CACNA1D: variants seen among roughly 807,000 people sequenced by gnomAD.
The protein encoded by CACNA1D is voltage-dependent L-type calcium channel subunit alpha-1D.
A neutral mutation model predicts 257.1 loss-of-function variants in CACNA1D; 55 were observed. That is an observed-to-expected ratio of 0.21 (90% CI 0.17 to 0.27). The LOEUF (loss-of-function observed/expected upper bound fraction) is 0.27. Ranked by LOEUF, CACNA1D falls within the 10% of genes least tolerant of loss-of-function variation. The pLI is 1.00. For synonymous variants in CACNA1D, 980 were observed against 1,014.9 expected (o/e 0.97, Z 0.65); for missense variants, 1,876 against 2,784.0 (o/e 0.67, Z 7.34).
rs2094528162 is a variant in CACNA1D at position 53,691,838 on chromosome 3, TTAC to T, written c.1221-10802_1221-10800del. Among the ~76,000 whole-genome samples the T allele has an allele frequency of 4.5e-5, 5 of 110,780 alleles. No homozygotes were observed. The South Asian group carries it at 1.2e-3, about 26-fold the overall frequency. 72.7% of individuals were successfully genotyped at this position (110,780 alleles called of 152,430 possible). A position where few individuals can be genotyped will look rare whatever the true frequency, so the allele number is the denominator to read the frequency against. Reference sequence around the variant, plus strand: ...TTATATATTATATCTATAATATATATTACATATATAATATATAATATATATTAT... The same window carrying T: ...TTATATATTATATCTATAATATATATATATATAATATATAATATATATTAT... On this transcript the variant is annotated intron_variant, in intron 8 of 47. Transcript: ENST00000350061.
intron 3 of CACNA1D, among the ~76,000 whole-genome samples, chr3:53,632,757 GAGAGATGGAGA>G (rs60915915): frequency 0.02 from 2,997 of 152,306 alleles, 100 homozygotes; most frequent in African/African-American, 0.068. Flanking sequence ...GACAGAGAGA[GAGAGATGGAGA>G]ACAGCTGGTT....
Position 53,745,654 on chromosome 3 carries a change from C to T in CACNA1D, c.3037C>T (p.Arg1013Trp), listed in dbSNP as rs745769622. ...GGTCCAGTGCGTCTTCGTGGCCATCCGGACCATCGGCAACATCATGATCGT... is the reference window on the plus strand; with the variant it reads ...GGTCCAGTGCGTCTTCGTGGCCATCTGGACCATCGGCAACATCATGATCGT... ...HVVQCVFVAI[R>W]TIGNIMIVTT... is the part of the protein sequence containing the mutation. Residue 1013 changes from arginine (R) to tryptophan (W), a missense_variant, in exon 24 of 48, where the codon CGG (arginine) becomes TGG (tryptophan). Arg to Trp is a moderately radical substitution (Grantham distance 101, BLOSUM62 -3). Coordinates refer to ENST00000350061, the MANE Select transcript of CACNA1D (RefSeq NM_001128840.3). 2.5e-6 allele frequency: 4 copies of T among 1,613,880 alleles called. No individual in the cohort carries two copies. Among genetic ancestry groups the T allele is most frequent in the East Asian group, 2.2e-5 (1 of 44,878 alleles).
At chr3:53,807,368 C>G (rs1423205317) in intron 45 of CACNA1D, 1 of 152,350 alleles carries the variant, frequency 6.6e-6, no homozygotes, top group Non-Finnish European at 1.5e-5. Context: ...ACAGTGCGCA[C>G]TGGGCACGAG....
chr3:53,668,620 C>T (rs750132782), intron 7 of CACNA1D, among the ~76,000 whole-genome samples: 3 of 152,110 alleles, frequency 2.0e-5, no homozygotes, highest in Non-Finnish European at 4.4e-5. Flanking sequence ...ATGGAACATT[C>T]CCCGAGTTCT....
intron 40 of CACNA1D, among the ~76,000 whole-genome samples, chr3:53,799,371 A>G (rs3796348): frequency 0.5 from 75,499 of 152,122 alleles, 20,666 homozygotes; most frequent in African/African-American, 0.74. Context: ...TAATGAAGTC[A>G]TGAACAATGG....
Position 53,729,423 on chromosome 3 carries a change from G to A in CACNA1D, c.2222-1019G>A, listed in dbSNP as rs942029613. 3.3e-5 allele frequency among the ~76,000 whole-genome samples: 5 copies of A among 152,114 alleles called. No homozygotes were observed. In the South Asian group the frequency reaches 6.2e-4, roughly 19 times the overall value. On this transcript the variant is annotated intron_variant, in intron 15 of 47. Coordinates refer to ENST00000350061, the MANE Select transcript of CACNA1D (RefSeq NM_001128840.3). ...GACAGTGCTATGCTGCTCCTGTCTC[G>A]GGGTCTCTGGGCTCCTGCAGTTTTG... is the stretch of plus-strand genomic sequence containing the variant.
At chr3:53,576,924 T>C (rs1395743092) in intron 3 of CACNA1D, among the ~76,000 whole-genome samples, 1 of 152,260 alleles carries the variant, frequency 6.6e-6, no homozygotes, top group Non-Finnish European at 1.5e-5. Context: ...CTTTAAATCA[T>C]GTTACCAGTC....
At chr3:53,678,335 A>G (rs1269723366) in intron 8 of CACNA1D, among the ~76,000 whole-genome samples, 1 of 152,222 alleles carries the variant, frequency 6.6e-6, no homozygotes, top group Non-Finnish European at 1.5e-5. Context: ...GACAATAAAT[A>G]TTGTTATTAA....
chr3:53,598,188 A>C (rs1057174111), intron 3 of CACNA1D, among the ~76,000 whole-genome samples: 2 of 152,184 alleles, frequency 1.3e-5, no homozygotes, highest in Admixed American at 6.5e-5. Context: ...ATTATACATT[A>C]ACAAGTCATA....
At position 53,769,965 on chromosome 3, in the gene CACNA1D, T is replaced by C; in HGVS notation, c.3871-8T>C. On this transcript the variant is annotated splice_region_variant and splice_polypyrimidine_tract_variant and intron_variant, in intron 30 of 47. Transcript: ENST00000350061. Reference sequence around the variant, plus strand: ...ATTAATCCATTTTCAATCTTTGATTTCTTAAAGCCAACTGAAAGTGAAAAT... The same window carrying C: ...ATTAATCCATTTTCAATCTTTGATTCCTTAAAGCCAACTGAAAGTGAAAAT... 1 of 1,609,318 alleles carries C rather than the reference T, an allele frequency of 6.2e-7. No homozygotes were observed. The highest frequency in any genetic ancestry group is 1.1e-5 in the South Asian group (1 of 90,990).
At chr3:53,589,256 G>A (rs140661114) in intron 3 of CACNA1D, among the ~76,000 whole-genome samples, 2 of 152,156 alleles carry the variant, frequency 1.3e-5, no homozygotes, top group Admixed American at 6.5e-5. Flanking sequence ...GAATAGTTGC[G>A]CATCCTTCTA....
At chr3:53,607,723 C>T (rs1024156242) in intron 3 of CACNA1D, among the ~76,000 whole-genome samples, 8 of 152,224 alleles carry the variant, frequency 5.3e-5, no homozygotes, top group African/African-American at 1.7e-4. Context: ...TATAAGGTAT[C>T]TGTGAAGTAA....
intron 3 of CACNA1D, among the ~76,000 whole-genome samples, chr3:53,600,271 C>T (rs772227476): frequency 3.3e-5 from 5 of 152,220 alleles, no homozygotes; most frequent in Middle Eastern, 3.2e-3. Context: ...TTTTCAGCTT[C>T]CTCCTCAATT....
intron 3 of CACNA1D, among the ~76,000 whole-genome samples, chr3:53,520,899 C>CTTTCTTTCT (rs2091543003): frequency 1.0e-5 from 1 of 98,118 alleles, no homozygotes; most frequent in Non-Finnish European, 2.1e-5. Context: ...TCTTTCTTTT[C>CTTTCTTTCT]TTTTCTTTTC....
chr3:53,802,270 C>G (rs2095540130), intron 43 of CACNA1D, 97 bp downstream of exon 43: 1 of 1,008,014 alleles, frequency 9.9e-7, no homozygotes, highest in African/African-American at 1.6e-5. Flanking sequence ...CTTCTTTGAG[C>G]CAGCCTATTA....
chr3:53,733,511 T>G (rs1330497807), intron 19 of CACNA1D, among the ~76,000 whole-genome samples: 1 of 152,196 alleles, frequency 6.6e-6, no homozygotes, highest in Non-Finnish European at 1.5e-5. Context: ...GGGTTGTAAG[T>G]ATTCAGTTCA....
At chr3:53,521,052 C>G (rs1229368922) in intron 3 of CACNA1D, among the ~76,000 whole-genome samples, 1 of 135,382 alleles carries the variant, frequency 7.4e-6, no homozygotes, top group African/African-American at 2.8e-5. Context: ...CTATTTCTTT[C>G]TCTTTTCTTC....
intron 8 of CACNA1D, among the ~76,000 whole-genome samples, chr3:53,698,664 A>C: frequency 6.6e-6 from 1 of 152,262 alleles, no homozygotes; most frequent in Admixed American, 6.5e-5. Context: ...GGTATACTTA[A>C]GAGTGTCACT....
chr3:53,696,717 A>G (rs1249885696), intron 8 of CACNA1D, among the ~76,000 whole-genome samples: 1 of 152,132 alleles, frequency 6.6e-6, no homozygotes, highest in Non-Finnish European at 1.5e-5. Context: ...GGTGGATGGA[A>G]TTCTGTAGAC....
Sources: allele counts gnomAD v4.1 joint callset (sites outside exome capture counted in the v4.1 genomes callset), GRCh38; gene constraint gnomAD v4.1.1; transcripts MANE v1.5; gene names NCBI Gene and HGNC (gene_info 2026-07-23, HGNC 2026-07-21).